Variants in DOCK4 observed in about 807,000 individuals in gnomAD.
The protein encoded by DOCK4 is dedicator of cytokinesis 4, also known as dedicator of cytokinesis protein 4.
In DOCK4, 97 loss-of-function variants were observed where a neutral mutation model predicts 268.1. The observed-to-expected ratio is 0.36, with a 90% CI of 0.31 to 0.43. The LOEUF (loss-of-function observed/expected upper bound fraction) is 0.43. Among genes scored for constraint, DOCK4 ranks in the 20% least tolerant of loss-of-function variants. The probability of loss-of-function intolerance (pLI) is 1.00; values close to 1 mark genes in which losing one functional copy is unlikely to be tolerated. For synonymous variants in DOCK4, 954 were observed against 887.2 expected (o/e 1.08, Z -1.34); for missense variants, 2,145 against 2,455.7 (o/e 0.87, Z 2.67).
chr7:111,925,371 G>A (rs750330074), intron 12 of DOCK4, among the ~76,000 whole-genome samples: 3 of 152,168 alleles, frequency 2.0e-5, no homozygotes, highest in African/African-American at 4.8e-5. Context: ...GGAGGTCAGA[G>A]ACAGGCTCTG....
At chr7:112,093,329 C>A (rs1158895348) in intron 1 of DOCK4, among the ~76,000 whole-genome samples, 1 of 152,020 alleles carries the variant, frequency 6.6e-6, no homozygotes, top group Non-Finnish European at 1.5e-5. Flanking sequence ...TCTTTCTGGG[C>A]AATTAACGGT....
intron 1 of DOCK4, among the ~76,000 whole-genome samples, chr7:112,053,889 G>A (rs539457925): frequency 1.2e-3 from 182 of 152,276 alleles, no homozygotes; most frequent in Non-Finnish European, 2.2e-3. Flanking sequence ...TCCTGGAAGG[G>A]GGCAACAGGT....
At chr7:112,085,068 A>G (rs147040299) in intron 1 of DOCK4, among the ~76,000 whole-genome samples, 176 of 152,266 alleles carry the variant, frequency 1.2e-3, no homozygotes, top group African/African-American at 4.1e-3. Flanking sequence ...AAATTGTTCT[A>G]GTATATTCAC....
intron 23 of DOCK4, among the ~76,000 whole-genome samples, chr7:111,856,780 C>A (rs1805048404): frequency 6.6e-6 from 1 of 152,086 alleles, no homozygotes; most frequent in Admixed American, 6.5e-5. Flanking sequence ...GGGATTGAGA[C>A]TGAAGGAACA....
intron 12 of DOCK4, among the ~76,000 whole-genome samples, chr7:111,924,212 C>A (rs1283796534): frequency 6.6e-6 from 1 of 152,142 alleles, no homozygotes; most frequent in Non-Finnish European, 1.5e-5. Context: ...GCTTACTCTG[C>A]CTCATTGATT....
At chr7:112,003,938 G>A (rs1800644541) in intron 2 of DOCK4, 110 bp downstream of exon 2, 2 of 705,736 alleles carry the variant, frequency 2.8e-6, no homozygotes, top group East Asian at 6.4e-5. Context: ...TGTCAAAAAT[G>A]ACTTGTGGTG....
At chr7:111,951,896 A>G (rs1416047431) in intron 8 of DOCK4, among the ~76,000 whole-genome samples, 1 of 151,944 alleles carries the variant, frequency 6.6e-6, no homozygotes, top group Non-Finnish European at 1.5e-5. Context: ...GACAAAGAAG[A>G]GCAAAACTAA....
At chr7:112,118,058 G>A (rs1374612946) in intron 1 of DOCK4, among the ~76,000 whole-genome samples, 6 of 151,986 alleles carry the variant, frequency 3.9e-5, no homozygotes, top group Non-Finnish European at 8.8e-5. Context: ...ATTGTGTAAG[G>A]AAATTCATTT....
In DOCK4 at chr7:111,733,939, A is replaced by G. The variant is rs183305893; in HGVS notation, c.5419+1115T>C. On this transcript the variant is annotated intron_variant, in intron 51 of 52. Coordinates refer to ENST00000428084, the MANE Select transcript of DOCK4 (RefSeq NM_001363540.2). ...AAGTATAGAGTAAACTAGGTGGCACATAGTTTATTGTGTTTTGTGGCAAGG... is the reference window on the plus strand; with the variant it reads ...AAGTATAGAGTAAACTAGGTGGCACGTAGTTTATTGTGTTTTGTGGCAAGG... Among the ~76,000 whole-genome samples the G allele has an allele frequency of 2.0e-5, 3 of 152,286 alleles. No individual in the cohort carries two copies. The East Asian group carries it at 5.8e-4, about 29-fold the overall frequency.
At chr7:112,126,404 C>T (rs73715470) in intron 1 of DOCK4, among the ~76,000 whole-genome samples, 1,989 of 152,152 alleles carry the variant, frequency 0.013, 32 homozygotes, top group African/African-American at 0.044. Context: ...AGTTAAACAC[C>T]ATCTCCCTGA....
intron 44 of DOCK4, among the ~76,000 whole-genome samples, chr7:111,745,851 C>G (rs899547192): frequency 6.8e-6 from 1 of 147,654 alleles, no homozygotes; most frequent in East Asian, 1.9e-4. Context: ...AAATTTGAAG[C>G]CTTTTGAATG....
At chr7:112,008,897 G>A (rs999741668) in intron 1 of DOCK4, among the ~76,000 whole-genome samples, 3 of 152,132 alleles carry the variant, frequency 2.0e-5, no homozygotes, top group African/African-American at 7.2e-5. Context: ...GGGAGGCTGA[G>A]CAGGAGAATC....
chr7:111,905,004 G>GA lies in DOCK4; in HGVS notation c.1193-3204dup, dbSNP rs555522744. Among the ~76,000 whole-genome samples the GA allele has an allele frequency of 2.0e-3, 305 of 152,218 alleles. 2 individuals carry two copies. Among genetic ancestry groups the GA allele is most frequent in the African/African-American group, 6.9e-3 (288 of 41,534 alleles). On this transcript the variant is annotated intron_variant, in intron 13 of 52. Transcript: ENST00000428084. ...TTTTAGACTAAAACCAGATTTCTTTGAAAAGAGAATACATGACAAGAAGAA... is the reference window on the plus strand; with the variant it reads ...TTTTAGACTAAAACCAGATTTCTTTGAAAAAGAGAATACATGACAAGAAGAA...
chr7:112,164,827 G>C (rs1817449343), intron 1 of DOCK4, among the ~76,000 whole-genome samples: 1 of 152,178 alleles, frequency 6.6e-6, no homozygotes, highest in Non-Finnish European at 1.5e-5. Flanking sequence ...CTAGTAAGTG[G>C]CAAAGCCAGA....
rs1233080911 is a variant in DOCK4, at chr7:111,769,610, G to C, written c.3747C>G (p.Phe1249Leu). ...ATTCTGTTTGCATGGGGTAGGTCAG[G>C]AACTCCCTGAGGGGCCGATCAGACC... is the stretch of plus-strand genomic sequence containing the variant. ...LEWSDRPLREFLTYPMQTEWQ... is the reference protein window; with the variant it reads ...LEWSDRPLRELLTYPMQTEWQ... Residue 1249 changes from phenylalanine (F) to leucine (L), a missense_variant, in exon 37 of 53, where the codon TTC (phenylalanine) becomes TTG (leucine). By Grantham distance (22) the Phe-to-Leu change is conservative. Coordinates refer to ENST00000428084, the MANE Select transcript of DOCK4 (RefSeq NM_001363540.2). 2 of 1,613,640 alleles carry C rather than the reference G, an allele frequency of 1.2e-6. No homozygotes were observed.
chr7:112,205,281 T>C (rs969354012), intron 1 of DOCK4, among the ~76,000 whole-genome samples: 2 of 152,084 alleles, frequency 1.3e-5, no homozygotes, highest in Non-Finnish European at 2.9e-5. Context: ...CTAAAAGCTA[T>C]CTCCCTGCCC....
intron 15 of DOCK4, among the ~76,000 whole-genome samples, chr7:111,898,255 C>T (rs1019168660): frequency 3.9e-5 from 6 of 152,218 alleles, no homozygotes; most frequent in Admixed American, 1.3e-4. Context: ...CAACCTCAAG[C>T]CTTTTGTACT....
At chr7:111,987,380 G>T (rs573806067) in intron 6 of DOCK4, among the ~76,000 whole-genome samples, 2 of 152,210 alleles carry the variant, frequency 1.3e-5, no homozygotes, top group African/African-American at 4.8e-5. Flanking sequence ...TTTTGGATAA[G>T]CTAACTTCCT....
intron 24 of DOCK4, among the ~76,000 whole-genome samples, 172 bp downstream of exon 24, chr7:111,846,827 C>T (rs1804147604): frequency 6.6e-6 from 1 of 152,108 alleles, no homozygotes. Flanking sequence ...TTACAGAATC[C>T]CACAAGGTTA....
Sources: gnomAD v4.1 joint callset for allele counts (sites outside exome capture counted in the v4.1 genomes callset) on GRCh38, gnomAD v4.1.1 for gene constraint, MANE v1.5 for transcripts, NCBI Gene and HGNC (gene_info 2026-07-23, HGNC 2026-07-21) for gene names.